TRIM62: variants seen among roughly 807,000 people sequenced by gnomAD.
TRIM62 encodes the protein E3 ubiquitin-protein ligase TRIM62.
Under a neutral mutation model 44.2 loss-of-function variants are expected in TRIM62, and 39 were observed. That is an observed-to-expected ratio of 0.88 (90% confidence interval 0.68 to 1.15). The LOEUF is 1.15. Among genes scored for constraint, TRIM62 ranks in the 50% most tolerant of loss-of-function variants. The probability of loss-of-function intolerance (pLI) is 0.00; values close to 1 mark genes in which losing one functional copy is unlikely to be tolerated. For missense variants in TRIM62, 544 were observed against 665.5 expected (o/e 0.82, Z 2.01); for synonymous variants, 278 against 292.3 (o/e 0.95, Z 0.50).
chr1:33,156,558 C>T (rs1645181705), intron 4 of TRIM62, among the ~76,000 whole-genome samples: 2 of 152,160 alleles, frequency 1.3e-5, no homozygotes. Context: ...TGGCTGGGTC[C>T]CCCTCTTGTC....
Position 33,147,510 on chromosome 1 carries a change from G to C in TRIM62, c.1095C>G (p.Ile365Met), listed in dbSNP as rs767781314. The change falls in exon 5 of 5, where the codon ATC becomes ATG. Residue 365 changes from isoleucine (I) to methionine (M), a missense_variant. Physicochemically the swap from Ile to Met is conservative, Grantham distance 10. Transcript: ENST00000291416. The surrounding 1 kb of genome is among the most constrained non-coding windows in gnomAD (Gnocchi z 8.1). ...GGCTTGCGGCTTCGTGTGCCAGCCC[G>C]ATCACCCACTGGGTCTTCTCCGCCA... ...VVVAEKTQWV[I>M]GLAHEAASRK... 2.5e-6 allele frequency: 4 copies of C among 1,613,128 alleles called. No homozygotes were observed. Among genetic ancestry groups the C allele is most frequent in the Non-Finnish European group, 2.5e-6 (3 of 1,179,800 alleles).
At position 33,145,877 on chromosome 1, in the gene TRIM62, C is replaced by G. The variant is rs1053380565; in HGVS notation, c.*1300G>C. 1 of 471,042 alleles carries G rather than the reference C, an allele frequency of 2.1e-6. No individual in the cohort carries two copies. Among genetic ancestry groups the G allele is most frequent in the African/African-American group, 2.0e-5 (1 of 50,084 alleles). The allele number at this position is 471,042 out of a possible 1,614,324, so 29.2% of individuals were successfully genotyped here. A position where few individuals can be genotyped will look rare whatever the true frequency, so the allele number is the denominator to read the frequency against. Reference sequence around the variant, plus strand: ...CTTCCTTCTAGGGAAATGACATTTCCCAGACTCCCTTGCAGCCAAGGTTCT... The same window carrying G: ...CTTCCTTCTAGGGAAATGACATTTCGCAGACTCCCTTGCAGCCAAGGTTCT... On this transcript the variant is annotated 3_prime_UTR_variant, in exon 5 of 5. Transcript: ENST00000291416.
intron 2 of TRIM62, 140 bp from the exon 3 acceptor site, chr1:33,160,084 C>CTTTTGCATGTG: frequency 9.2e-7 from 1 of 1,089,314 alleles, no homozygotes; most frequent in Non-Finnish European, 1.3e-6. Flanking sequence ...ATGTCACATG[C>CTTTTGCATGTG]AAAAGCATGG....
intron 1 of TRIM62, among the ~76,000 whole-genome samples, chr1:33,171,533 C>A (rs1350037944): frequency 6.6e-6 from 1 of 152,172 alleles, no homozygotes; most frequent in Non-Finnish European, 1.5e-5. Context: ...CAAATCAATG[C>A]AGCAAAAATT....
rs202210162 is a variant in TRIM62, at chr1:33,147,339, A to G, written c.1266T>C (p.Tyr422=). 1.7e-5 allele frequency: 28 copies of G among 1,614,224 alleles called. No individual in the cohort carries two copies. The East Asian group carries it at 6.2e-4, about 36-fold the overall frequency. Residue 422 remains tyrosine (Y), a synonymous_variant, in exon 5 of 5, where the codon TAT becomes TAC. Transcript: ENST00000291416. The surrounding 1 kb of genome is among the most constrained non-coding windows in gnomAD (Gnocchi z 8.1). ...KLDKVGVFLD[Y]DQGLLIFYNA... ...TGTAGAAGATGAGCAAGCCTTGGTC[A>G]TAGTCCAGGAAGACACCCACCTTGT...
At chr1:33,151,092 G>A (rs1055091842) in intron 4 of TRIM62, among the ~76,000 whole-genome samples, 1 of 152,112 alleles carries the variant, frequency 6.6e-6, no homozygotes, top group African/African-American at 2.4e-5. Context: ...TGAGCCACTT[G>A]TGGTGCCACT....
intron 4 of TRIM62, among the ~76,000 whole-genome samples, chr1:33,151,723 T>C (rs1645101061): frequency 6.6e-6 from 1 of 152,178 alleles, no homozygotes; most frequent in African/African-American, 2.4e-5. Context: ...AGGTGTGTTG[T>C]CCATTCATTT....
At chr1:33,174,707 G>A (rs1645399854) in intron 1 of TRIM62, among the ~76,000 whole-genome samples, 1 of 152,014 alleles carries the variant, frequency 6.6e-6, no homozygotes, top group Admixed American at 6.6e-5. Flanking sequence ...TCTGCTCCCT[G>A]GCCTGAAGTA....
Position 33,159,193 on chromosome 1 carries a change from C to A in TRIM62, c.761+495G>T, listed in dbSNP as rs1279127543. The stretch of plus-strand genomic sequence containing the variant: ...GAAATGATGATGACAGTGGTAACTA[C>A]TTTCAAAGGGACTGAGAGGGTTACA... On this transcript the variant is annotated intron_variant, in intron 3 of 4. Coordinates refer to ENST00000291416, the MANE Select transcript of TRIM62 (RefSeq NM_018207.3). This position sits in a 1 kb window ranked among gnomAD's most constrained non-coding sequence, Gnocchi z 4.2. Among the ~76,000 whole-genome samples, 2 of 151,962 alleles carry A rather than the reference C, an allele frequency of 1.3e-5. No individual in the cohort carries two copies. The highest frequency in any genetic ancestry group is 2.9e-5 in the Non-Finnish European group (2 of 68,008).
intron 4 of TRIM62, among the ~76,000 whole-genome samples, chr1:33,155,587 C>T (rs902564123): frequency 6.6e-6 from 1 of 152,068 alleles, no homozygotes; most frequent in Non-Finnish European, 1.5e-5. Context: ...CTCTGGGGCC[C>T]GACGTTGGGG....
rs1361895212 is a variant in TRIM62, at chr1:33,145,690, T to C, written c.*1487A>G. The stretch of plus-strand genomic sequence containing the variant: ...GAAAAGTCAAGGCCGGGGAGACATT[T>C]AGGCTCAGTCTTGCAGCCCACTCCT... On this transcript the variant is annotated 3_prime_UTR_variant, in exon 5 of 5. Coordinates refer to ENST00000291416, the MANE Select transcript of TRIM62 (RefSeq NM_018207.3). 2.9e-6 allele frequency: 1 copy of C among 342,652 alleles called. No individual in the cohort carries two copies. Among genetic ancestry groups the C allele is most frequent in the African/African-American group, 2.2e-5 (1 of 46,046 alleles). 21.2% of individuals were successfully genotyped at this position (342,652 alleles called of 1,614,324 possible).
chr1:33,176,331 A>G (rs604941), intron 1 of TRIM62: 625,849 of 629,222 alleles, frequency 0.99, 311,326 homozygotes, highest in East Asian at 1. Flanking sequence ...CCAGAGCCGA[A>G]ATTTGAACCT....
intron 1 of TRIM62, chr1:33,176,573 G>A (rs984753646): frequency 7.2e-5 from 41 of 569,924 alleles, no homozygotes; most frequent in Non-Finnish European, 1.2e-4. Context: ...CGGATGCCAC[G>A]TCTGCTCTGA....
chr1:33,154,921 G>A (rs1206764840), intron 4 of TRIM62, among the ~76,000 whole-genome samples: 8 of 151,522 alleles, frequency 5.3e-5, no homozygotes, highest in Admixed American at 3.3e-4. Flanking sequence ...GTGAAACCCC[G>A]TCTCTACTAA....
chr1:33,169,582 G>A lies in TRIM62; in HGVS notation c.409-4016C>T, dbSNP rs76477820. Reference sequence around the variant, plus strand: ...TGCAGATTTCCACATTGTCTGGGAAGAAAGGCACAAAGCCTTAGGGTGACA... The same window carrying A: ...TGCAGATTTCCACATTGTCTGGGAAAAAAGGCACAAAGCCTTAGGGTGACA... On this transcript the variant is annotated intron_variant, in intron 1 of 4. Transcript: ENST00000291416. Among the ~76,000 whole-genome samples the A allele has an allele frequency of 3.2e-3, 484 of 152,320 alleles. 17 individuals carry two copies. The East Asian group carries it at 0.083, about 26-fold the overall frequency.
chr1:33,150,243 C>T (rs1645077884), intron 4 of TRIM62, among the ~76,000 whole-genome samples: 1 of 152,204 alleles, frequency 6.6e-6, no homozygotes, highest in African/African-American at 2.4e-5. Context: ...CTCTCTGGCT[C>T]TTTCCTTTAC....
At chr1:33,154,177 T>G (rs999189019) in intron 4 of TRIM62, among the ~76,000 whole-genome samples, 7 of 152,208 alleles carry the variant, frequency 4.6e-5, no homozygotes, top group African/African-American at 1.7e-4. Flanking sequence ...GATCTAAAGA[T>G]GGGCCGGGTG....
chr1:33,146,951 A>C lies in TRIM62; in HGVS notation c.*226T>G. Reference sequence around the variant, plus strand: ...GAAGCCATGTCACATCCTTGGATCAAAGCTGTATCCCTATCAAGGTCAGAG... The same window carrying C: ...GAAGCCATGTCACATCCTTGGATCACAGCTGTATCCCTATCAAGGTCAGAG... On this transcript the variant is annotated 3_prime_UTR_variant, in exon 5 of 5. Coordinates refer to ENST00000291416, the MANE Select transcript of TRIM62 (RefSeq NM_018207.3). The C allele has an allele frequency of 1.7e-6, 1 of 579,202 alleles. No individual in the cohort carries two copies. The highest frequency in any genetic ancestry group is 3.1e-6 in the Non-Finnish European group (1 of 326,638). The allele number at this position is 579,202 out of a possible 1,614,324, so 35.9% of individuals were successfully genotyped here.
rs2124705644 is a variant in TRIM62 at position 33,145,520 on chromosome 1, C to T, written c.*1657G>A. The T allele has an allele frequency of 5.8e-6, 1 of 171,418 alleles. No individual in the cohort carries two copies. The highest frequency in any genetic ancestry group is 1.3e-4 in the South Asian group (1 of 7,522). The allele number at this position is 171,418 out of a possible 1,614,324, so 10.6% of individuals were successfully genotyped here. A position where few individuals can be genotyped will look rare whatever the true frequency, so the allele number is the denominator to read the frequency against. ...TGGTAGTTGAAGGGTTGGGGTAGGG[C>T]TGACAATTCCTTTTGCCCAAGGGAG... On this transcript the variant is annotated 3_prime_UTR_variant, in exon 5 of 5. Transcript: ENST00000291416.
Sources: gnomAD v4.1 joint callset for allele counts (sites outside exome capture counted in the v4.1 genomes callset) on GRCh38, gnomAD v4.1.1 for gene constraint, Gnocchi (gnomAD v3.1) non-coding constraint, MANE v1.5 for transcripts, NCBI Gene and HGNC (gene_info 2026-07-23, HGNC 2026-07-21) for gene names.